The following NXPE2 variants were observed in gnomAD, a reference collection of about 807,000 sequenced individuals.
NXPE2 encodes NXPE family member 2.
Under a neutral mutation model 34.4 loss-of-function variants are expected in NXPE2, and 34 were observed. That is an observed-to-expected ratio of 0.99 (90% CI 0.75 to 1.31). The LOEUF (loss-of-function observed/expected upper bound fraction) is 1.31. Ranked by LOEUF, NXPE2 falls within the 40% of genes most tolerant of loss-of-function variation. The pLI is 0.00. For missense variants in NXPE2, 649 were observed against 672.5 expected (o/e 0.97, Z 0.39); for synonymous variants, 235 against 231.3 (o/e 1.02, Z -0.15).
At chr11:114,618,371 T>C in the NXPE2 span, among the ~76,000 whole-genome samples, 1 of 152,030 alleles carries the variant, frequency 6.6e-6, no homozygotes, top group African/African-American at 2.4e-5. Context: ...TGTTGCCTCA[T>C]GGGTAGTCAC....
chr11:114,509,142 A>G, the NXPE2 span, among the ~76,000 whole-genome samples: 1 of 152,234 alleles, frequency 6.6e-6, no homozygotes, highest in Non-Finnish European at 1.5e-5. Flanking sequence ...GCCAACAAAC[A>G]TGAAAACAAA....
the NXPE2 span, chr11:114,570,771 T>C: frequency 1.8e-6 from 1 of 541,486 alleles, no homozygotes; most frequent in Non-Finnish European, 3.2e-6. Flanking sequence ...GAAGCCCAGA[T>C]TAGAAACATC....
the NXPE2 span, among the ~76,000 whole-genome samples, chr11:114,622,040 GATA>G: frequency 7.2e-5 from 11 of 152,116 alleles, no homozygotes; most frequent in East Asian, 1.9e-4. Flanking sequence ...TTACCCAGTG[GATA>G]ATAAGTATTC....
At chr11:114,544,651 A>C in the NXPE2 span, among the ~76,000 whole-genome samples, 2 of 152,176 alleles carry the variant, frequency 1.3e-5, no homozygotes, top group Non-Finnish European at 2.9e-5. Flanking sequence ...AATCTGTGTG[A>C]ACTTGAGCTG....
Position 114,698,460 on chromosome 11 carries a change from G to C in NXPE2, c.548G>C (p.Trp183Ser). The C allele has an allele frequency of 6.2e-7, 1 of 1,613,966 alleles. No individual in the cohort carries two copies. Among genetic ancestry groups the C allele is most frequent in the Non-Finnish European group, 8.5e-7 (1 of 1,179,924 alleles). The change falls in exon 3 of 6, where the codon TGG (tryptophan) becomes TCG (serine). Residue 183 changes from tryptophan (W) to serine (S), a missense_variant. Coordinates refer to ENST00000389586, the MANE Select transcript of NXPE2 (RefSeq NM_182495.6). Reference protein sequence around the residue: ...GTYLVSFTLFWEGQVSLSLLL... With the variant: ...GTYLVSFTLFSEGQVSLSLLL... ...TACCTGGTCAGCTTCACTCTGTTCT[G>C]GGAGGGCCAGGTTTCCCTGTCTCTG...
chr11:114,497,683 G>C, the NXPE2 span, among the ~76,000 whole-genome samples: 1 of 152,138 alleles, frequency 6.6e-6, no homozygotes, highest in Non-Finnish European at 1.5e-5. Context: ...CAACAACATT[G>C]CTTGATGCAT....
the NXPE2 span, among the ~76,000 whole-genome samples, chr11:114,501,179 G>GT: frequency 1.3e-5 from 2 of 152,156 alleles, no homozygotes; most frequent in Non-Finnish European, 2.9e-5. Context: ...TACTTGGGGA[G>GT]TTTTTTTAAA....
At chr11:114,769,507 C>T in the NXPE2 span, among the ~76,000 whole-genome samples, 2 of 152,282 alleles carry the variant, frequency 1.3e-5, no homozygotes, top group Admixed American at 6.5e-5. Flanking sequence ...AAGACACATG[C>T]ACATGTATGT....
chr11:114,591,180 C>T, the NXPE2 span, among the ~76,000 whole-genome samples: 1 of 152,212 alleles, frequency 6.6e-6, no homozygotes, highest in South Asian at 2.1e-4. Flanking sequence ...GTGCACCTCT[C>T]TATCCAGGCA....
chr11:114,728,638 G>T, the NXPE2 span, among the ~76,000 whole-genome samples: 1 of 151,970 alleles, frequency 6.6e-6, no homozygotes, highest in Non-Finnish European at 1.5e-5. Context: ...GAGGCCAATG[G>T]ATATTCTGTA....
At chr11:114,588,876 A>G in the NXPE2 span, among the ~76,000 whole-genome samples, 1 of 152,186 alleles carries the variant, frequency 6.6e-6, no homozygotes, top group Admixed American at 6.5e-5. Context: ...TTACACAGGC[A>G]GCTCCCAATA....
the NXPE2 span, among the ~76,000 whole-genome samples, chr11:114,663,677 T>TC: frequency 7.0e-4 from 93 of 132,282 alleles, no homozygotes; most frequent in African/African-American, 1.7e-3. Flanking sequence ...CATCTATCTA[T>TC]TTATCTATCT....
rs190158747 is a variant in NXPE2, at chr11:114,706,586, A to G, written c.1336A>G (p.Ile446Val). The G allele has an allele frequency of 2.6e-6, 4 of 1,551,864 alleles. No individual in the cohort carries two copies. Among genetic ancestry groups the G allele is most frequent in the Middle Eastern group, 3.3e-4 (2 of 5,988 alleles). The change falls in exon 6 of 6, where the codon ATT becomes GTT. Residue 446 changes from isoleucine to valine, a missense_variant. Ile to Val is a conservative substitution (Grantham distance 29). Transcript: ENST00000389586. ...GGTAGCAGGAGACAAAAACACAGCC[A>G]TTGTCATTACCCTCGGCCAACACTT... ...DQVAGDKNTA[I>V]VITLGQHFRP...
At chr11:114,583,900 T>C in the NXPE2 span, 1 of 393,572 alleles carries the variant, frequency 2.5e-6, no homozygotes, top group Admixed American at 3.2e-5. Flanking sequence ...TTATTGGGGC[T>C]GGCAAAGGCA....
chr11:114,755,736 ATCTCTCTC>A, the NXPE2 span, among the ~76,000 whole-genome samples: 10 of 148,260 alleles, frequency 6.7e-5, no homozygotes, highest in Non-Finnish European at 1.2e-4. Flanking sequence ...CTCTTCACCC[ATCTCTCTC>A]TCTCTCTCTC....
the NXPE2 span, among the ~76,000 whole-genome samples, chr11:114,514,746 C>G: frequency 6.6e-6 from 1 of 152,094 alleles, no homozygotes; most frequent in African/African-American, 2.4e-5. Flanking sequence ...AATACTTCAT[C>G]TTTTCTTTAT....
the NXPE2 span, among the ~76,000 whole-genome samples, chr11:114,559,615 T>A: frequency 2.6e-5 from 4 of 152,158 alleles, no homozygotes; most frequent in Non-Finnish European, 5.9e-5. Context: ...TATCAGTTTT[T>A]TTTTTTGTTT....
the NXPE2 span, among the ~76,000 whole-genome samples, chr11:114,713,727 G>A: frequency 1.3e-5 from 2 of 152,164 alleles, no homozygotes; most frequent in Non-Finnish European, 2.9e-5. Flanking sequence ...AACGTTAGGA[G>A]GCATGTGATT....
At chr11:114,773,281 C>CA in the NXPE2 span, among the ~76,000 whole-genome samples, 51 of 66,378 alleles carry the variant, frequency 7.7e-4, no homozygotes, top group East Asian at 4.1e-3. Context: ...CCACTCCCAC[C>CA]CCCCCCCCAC....
Sources: gnomAD v4.1 joint callset for allele counts (sites outside exome capture counted in the v4.1 genomes callset) on GRCh38, gnomAD v4.1.1 for gene constraint, MANE v1.5 for transcripts, NCBI Gene and HGNC (gene_info 2026-07-23, HGNC 2026-07-21) for gene names.